The following TTC33 variants were observed in gnomAD, a reference collection of about 807,000 sequenced individuals.
The protein encoded by TTC33 is tetratricopeptide repeat domain 33, also known as tetratricopeptide repeat protein 33.
Under a neutral mutation model 29.4 loss-of-function variants are expected in TTC33, and 24 were observed. The observed-to-expected ratio is 0.82, with a 90% confidence interval of 0.59 to 1.15. The LOEUF (loss-of-function observed/expected upper bound fraction) is 1.15. TTC33 is among the 50% of genes most tolerant of loss of function. TTC33 has a pLI of 0.00. For synonymous variants in TTC33, 107 were observed against 100.3 expected (o/e 1.07, Z -0.40); for missense variants, 286 against 310.4 (o/e 0.92, Z 0.59).
chr5:40,746,263 T>C (rs1008407301), intron 2 of TTC33, among the ~76,000 whole-genome samples: 1 of 152,166 alleles, frequency 6.6e-6, no homozygotes, highest in Non-Finnish European at 1.5e-5. Context: ...TGGGTGCATA[T>C]AGGAACAACT....
chr5:40,730,680 A>C (rs1385768197), intron 2 of TTC33, among the ~76,000 whole-genome samples: 1 of 152,170 alleles, frequency 6.6e-6, no homozygotes, highest in African/African-American at 2.4e-5. Context: ...TCAGTTCAAC[A>C]GTTTTTTGGA....
rs950778843 is a variant in TTC33, at chr5:40,755,899, C to G, written c.-77G>C. On this transcript the variant is annotated 5_prime_UTR_variant, in exon 1 of 5. Coordinates refer to ENST00000337702, the MANE Select transcript of TTC33 (RefSeq NM_012382.3). ...TGGGCGTTCGAACAGTCCACAGAAG[C>G]GGGCAAAGGAAAGACGACTCAGTCT... is the stretch of plus-strand genomic sequence containing the variant. The G allele has an allele frequency of 6.6e-6, 1 of 152,392 alleles. No homozygotes were observed. Among genetic ancestry groups the G allele is most frequent in the Admixed American group, 6.5e-5 (1 of 15,286 alleles). The allele number at this position is 152,392 out of a possible 1,614,324, so 9.4% of individuals were successfully genotyped here. A position where few individuals can be genotyped will look rare whatever the true frequency, so the allele number is the denominator to read the frequency against.
At position 40,755,390 on chromosome 5, in the gene TTC33, T is replaced by C. The variant is rs537998142; in HGVS notation, c.-2+434A>G. Among the ~76,000 whole-genome samples, 7 of 152,332 alleles carry C rather than the reference T, an allele frequency of 4.6e-5. 1 individual carries two copies. In the South Asian group the frequency reaches 1.2e-3, roughly 27 times the overall value. On this transcript the variant is annotated intron_variant, in intron 1 of 4. Coordinates refer to ENST00000337702, the MANE Select transcript of TTC33 (RefSeq NM_012382.3). ...AGAGAAAAACCAGTATTAGTGACTTTCCCTTCATCGGTCAACAATAATAAA... is the reference window on the plus strand; with the variant it reads ...AGAGAAAAACCAGTATTAGTGACTTCCCCTTCATCGGTCAACAATAATAAA...
At chr5:40,753,504 G>A (rs1340096810) in intron 1 of TTC33, among the ~76,000 whole-genome samples, 1 of 152,068 alleles carries the variant, frequency 6.6e-6, no homozygotes, top group African/African-American at 2.4e-5. Context: ...GGGGAATAAG[G>A]ACAATGCAAA....
chr5:40,726,631 G>A (rs1244269308), intron 4 of TTC33, among the ~76,000 whole-genome samples: 4 of 149,098 alleles, frequency 2.7e-5, no homozygotes, highest in East Asian at 2.0e-4. Flanking sequence ...AAAAAAAGTC[G>A]AACTGGTACT....
chr5:40,739,487 G>A (rs1742646819), intron 2 of TTC33, among the ~76,000 whole-genome samples: 1 of 152,150 alleles, frequency 6.6e-6, no homozygotes, highest in Non-Finnish European at 1.5e-5. Flanking sequence ...GGATCATGGG[G>A]GCAGGTTTCC....
At chr5:40,751,544 A>G (rs1184669090) in intron 1 of TTC33, among the ~76,000 whole-genome samples, 1 of 152,248 alleles carries the variant, frequency 6.6e-6, no homozygotes, top group African/African-American at 2.4e-5. Context: ...TCCCAGCTAC[A>G]TTAGCCCTCA....
intron 2 of TTC33, among the ~76,000 whole-genome samples, chr5:40,734,978 G>A (rs948482295): frequency 1.3e-5 from 2 of 152,232 alleles, no homozygotes; most frequent in African/African-American, 2.4e-5. Context: ...CATTCAAGCT[G>A]AGACCTGAGT....
chr5:40,751,892 G>A (rs745689959), intron 1 of TTC33, among the ~76,000 whole-genome samples: 5 of 151,388 alleles, frequency 3.3e-5, no homozygotes, highest in Admixed American at 3.3e-4. Context: ...AGGAGGCGGA[G>A]GTTGCAGTGA....
At chr5:40,755,466 C>T (rs3805495) in intron 1 of TTC33, among the ~76,000 whole-genome samples, 47,779 of 152,054 alleles carry the variant, frequency 0.31, 7,906 homozygotes, top group East Asian at 0.56. Flanking sequence ...ACGGACCGCC[C>T]CGGGCCGCAG....
intron 1 of TTC33, among the ~76,000 whole-genome samples, chr5:40,753,808 C>T (rs763792380): frequency 6.6e-6 from 1 of 151,992 alleles, no homozygotes; most frequent in Non-Finnish European, 1.5e-5. Context: ...TTTCTTTATT[C>T]ATAAGGTGAG....
At chr5:40,734,603 A>G (rs1411188732) in intron 2 of TTC33, among the ~76,000 whole-genome samples, 3 of 152,174 alleles carry the variant, frequency 2.0e-5, no homozygotes, top group Non-Finnish European at 4.4e-5. Flanking sequence ...CCAAATAGAA[A>G]TGTCAATGTG....
At chr5:40,739,949 ATAAAG>A (rs1316368364) in intron 2 of TTC33, among the ~76,000 whole-genome samples, 2 of 152,128 alleles carry the variant, frequency 1.3e-5, no homozygotes, top group African/African-American at 4.8e-5. Context: ...TTTTTTAAAA[ATAAAG>A]TATTCAGCTT....
At position 40,740,716 on chromosome 5, in the gene TTC33, C is replaced by T. The variant is rs536670068; in HGVS notation, c.221+6082G>A. ...ACAGCCTAAGACATTTCCATCCAACCTTCCCTCCCTCTCCCCTTCACTGGG... is the reference window on the plus strand; with the variant it reads ...ACAGCCTAAGACATTTCCATCCAACTTTCCCTCCCTCTCCCCTTCACTGGG... On this transcript the variant is annotated intron_variant, in intron 2 of 4. Transcript: ENST00000337702. Among the ~76,000 whole-genome samples, 25 of 152,196 alleles carry T rather than the reference C, an allele frequency of 1.6e-4. No homozygotes were observed. In the South Asian group the frequency reaches 5.2e-3, roughly 32 times the overall value.
chr5:40,727,388 A>G (rs1742313109), intron 4 of TTC33, among the ~76,000 whole-genome samples: 2 of 152,226 alleles, frequency 1.3e-5, no homozygotes, highest in Admixed American at 1.3e-4. Context: ...AGGTGTATAT[A>G]GCCCTGCCAA....
chr5:40,747,658 CA>C (rs1742822140), intron 1 of TTC33, among the ~76,000 whole-genome samples: 1 of 152,030 alleles, frequency 6.6e-6, no homozygotes. Context: ...TAGCAAAAAA[CA>C]GAAACTAAAG....
rs1741903179 is a variant in TTC33 at position 40,711,758 on chromosome 5, T to C, written c.*4387A>G. Among the ~76,000 whole-genome samples the C allele has an allele frequency of 6.6e-6, 1 of 152,098 alleles. No individual in the cohort carries two copies. Among genetic ancestry groups the C allele is most frequent in the South Asian group, 2.1e-4 (1 of 4,832 alleles). Reference sequence around the variant, plus strand: ...TAACATGGATGAATCTCAACATGGATGGGTTTCAAAAGCATCATGTTAAGC... The same window carrying C: ...TAACATGGATGAATCTCAACATGGACGGGTTTCAAAAGCATCATGTTAAGC... On this transcript the variant is annotated 3_prime_UTR_variant, in exon 5 of 5. Transcript: ENST00000337702.
At chr5:40,720,758 C>A (rs900712382) in intron 4 of TTC33, among the ~76,000 whole-genome samples, 9 of 152,124 alleles carry the variant, frequency 5.9e-5, no homozygotes, top group Admixed American at 1.3e-4. Flanking sequence ...CTCATCAAAG[C>A]CAGAAGGGAG....
At chr5:40,727,367 C>T (rs1194191978) in intron 4 of TTC33, among the ~76,000 whole-genome samples, 2 of 152,118 alleles carry the variant, frequency 1.3e-5, no homozygotes, top group African/African-American at 2.4e-5. Context: ...AGTTAAATTT[C>T]GTTAGCTATC....
Sources: gnomAD v4.1 joint callset for allele counts (sites outside exome capture counted in the v4.1 genomes callset) on GRCh38, gnomAD v4.1.1 for gene constraint, MANE v1.5 for transcripts, NCBI Gene and HGNC (gene_info 2026-07-23, HGNC 2026-07-21) for gene names.